TPP2: variants seen among roughly 807,000 people sequenced by gnomAD.
The protein encoded by TPP2 is tripeptidyl peptidase 2, also known as tripeptidyl-peptidase 2.
A neutral mutation model predicts 155.9 loss-of-function variants in TPP2; 34 were observed. That is an observed-to-expected ratio of 0.22 (90% CI 0.17 to 0.29). The LOEUF (loss-of-function observed/expected upper bound fraction) is 0.29. TPP2 is among the 10% of genes least tolerant of loss of function. The pLI, the probability that TPP2 is intolerant of heterozygous loss-of-function variation, is 1.00. For synonymous variants in TPP2, 510 were observed against 529.4 expected, an observed-to-expected ratio of 0.96 and a Z score of 0.50; for missense variants, 1,028 against 1,522.3, an observed-to-expected ratio of 0.68 and a Z score of 5.40.
At chr13:102,623,870 A>C (rs967252305) in intron 6 of TPP2, among the ~76,000 whole-genome samples, 1 of 152,108 alleles carries the variant, frequency 6.6e-6, no homozygotes, top group Admixed American at 6.5e-5. Context: ...TGTATAACCT[A>C]CACACATGCT....
At chr13:102,656,839 G>C in intron 24 of TPP2, 1 of 334,562 alleles carries the variant, frequency 3.0e-6, no homozygotes, top group Non-Finnish European at 5.4e-6. Flanking sequence ...TTATTTTAAA[G>C]GAGATATTTG....
chr13:102,677,554 C>G (rs2139629135), intron 29 of TPP2, among the ~76,000 whole-genome samples: 1 of 152,326 alleles, frequency 6.6e-6, no homozygotes, highest in South Asian at 2.1e-4. Flanking sequence ...TTCTGCCACA[C>G]CAGCATCTCT....
At chr13:102,618,255 T>A (rs929051819) in intron 4 of TPP2, among the ~76,000 whole-genome samples, 1 of 152,216 alleles carries the variant, frequency 6.6e-6, no homozygotes, top group African/African-American at 2.4e-5. Context: ...CTAAAAGATA[T>A]AAGATGATTC....
Position 102,659,157 on chromosome 13 carries a change from TA to T in TPP2, c.3143+1952del, listed in dbSNP as rs1236382398. ...AGAAGATGGAGAAGTCCGTGTGCCTTAAGGGCTCTCTCAAAAACAGTGGAGA... is the reference window on the plus strand; with the variant it reads ...AGAAGATGGAGAAGTCCGTGTGCCTTAGGGCTCTCTCAAAAACAGTGGAGA... On this transcript the variant is annotated intron_variant, in intron 25 of 29. Coordinates refer to ENST00000376052, the MANE Select transcript of TPP2 (RefSeq NM_001330588.2). Among the ~76,000 whole-genome samples, 5 of 152,072 alleles carry T rather than the reference TA, an allele frequency of 3.3e-5. No homozygotes were observed. In the East Asian group the frequency reaches 9.6e-4, roughly 29 times the overall value.
intron 1 of TPP2, among the ~76,000 whole-genome samples, chr13:102,600,450 T>G (rs1466821036): frequency 2.6e-5 from 4 of 152,106 alleles, no homozygotes; most frequent in Non-Finnish European, 5.9e-5. Context: ...GCCTGCAGCT[T>G]CAGAGGTGAG....
chr13:102,646,200 T>C (rs1883088638), intron 19 of TPP2, 94 bp from the exon 20 acceptor site: 2 of 942,762 alleles, frequency 2.1e-6, no homozygotes, highest in Non-Finnish European at 3.1e-6. Context: ...TCTGCACTTT[T>C]TGCAATATGT....
chr13:102,627,864 A>G lies in TPP2; in HGVS notation c.956A>G (p.Asn319Ser). The change falls in exon 8 of 30, where the codon AAT becomes AGT. Residue 319 changes from asparagine (N) to serine (S), a missense_variant. Physicochemically the swap from Asn to Ser is conservative, Grantham distance 46. This residue lies in a region of TPP2 where 300 missense variants were observed against 398.3 expected (regional missense o/e 0.75). Transcript: ENST00000376052. ...CTTTAATAGATGATAGAAGTTATAA[A>G]TCATAAGTGTGATCTTGTCAACTAC... ...GLIRAMIEVI[N>S]HKCDLVNYSY... The G allele has an allele frequency of 6.2e-7, 1 of 1,613,098 alleles. No homozygotes were observed. The highest frequency in any genetic ancestry group is 8.5e-7 in the Non-Finnish European group (1 of 1,179,596).
chr13:102,664,275 G>A (rs1463161259), intron 26 of TPP2, among the ~76,000 whole-genome samples: 2 of 152,192 alleles, frequency 1.3e-5, no homozygotes, highest in Non-Finnish European at 1.5e-5. Context: ...TTTAACAAGA[G>A]AGAAGCAAAT....
intron 24 of TPP2, chr13:102,654,917 CAAG>C (rs1445878840): frequency 4.2e-6 from 2 of 473,058 alleles, no homozygotes; most frequent in South Asian, 3.0e-5. Context: ...GAGTGAACCT[CAAG>C]AAGGAGAGGA....
rs779786368 is a variant in TPP2 at position 102,644,998 on chromosome 13, C to G, written c.2382C>G (p.Val794=). 6.2e-7 allele frequency: 1 copy of G among 1,613,652 alleles called. No homozygotes were observed. The highest frequency in any genetic ancestry group is 8.5e-7 in the Non-Finnish European group (1 of 1,179,766). ...LAPCITLKNW[V]QTLRPVSAKT... is the part of the protein sequence containing the mutation. ...CCTGCATAACTTTGAAGAACTGGGTCCAAACACTGCGGTATCATTCAATGT... is the reference window on the plus strand; with the variant it reads ...CCTGCATAACTTTGAAGAACTGGGTGCAAACACTGCGGTATCATTCAATGT... The change falls in exon 19 of 30, where the codon GTC becomes GTG. Residue 794 remains valine (V), a synonymous_variant. Coordinates refer to ENST00000376052, the MANE Select transcript of TPP2 (RefSeq NM_001330588.2).
intron 4 of TPP2, among the ~76,000 whole-genome samples, chr13:102,617,328 G>A (rs1046124279): frequency 2.0e-5 from 3 of 152,176 alleles, no homozygotes; most frequent in East Asian, 1.9e-4. Flanking sequence ...ATGGGAGGGT[G>A]TAGTCCTTGG....
rs1566362912 is a variant in TPP2, at chr13:102,657,115, C to G, written c.3051C>G (p.Ser1017Arg). The change falls in exon 25 of 30, where the codon AGC becomes AGG. Residue 1017 changes from serine (S) to arginine (R), a missense_variant. By Grantham distance (110) the Ser-to-Arg change is moderately radical (BLOSUM62 -1). Coordinates refer to ENST00000376052, the MANE Select transcript of TPP2 (RefSeq NM_001330588.2). ...IPPPTKTKNG[S>R]KDKEKDSEKE... ...CACCAACAAAGACTAAGAATGGCAG[C>G]AAAGATAAGGAAAAAGATTCAGAAA... 33 of 1,584,376 alleles carry G rather than the reference C, an allele frequency of 2.1e-5. No individual in the cohort carries two copies. The highest frequency in any genetic ancestry group is 2.7e-5 in the Non-Finnish European group (32 of 1,169,226).
chr13:102,647,586 C>T (rs1358580104), intron 21 of TPP2, among the ~76,000 whole-genome samples: 1 of 152,194 alleles, frequency 6.6e-6, no homozygotes, highest in Non-Finnish European at 1.5e-5. Context: ...CTTGCCCACA[C>T]TGGCCAGCAT....
chr13:102,660,476 A>G (rs565833028), intron 25 of TPP2, among the ~76,000 whole-genome samples: 4 of 152,206 alleles, frequency 2.6e-5, no homozygotes, highest in Admixed American at 1.3e-4. Context: ...CTACAAAACA[A>G]TTGTTGAAAG....
rs114691474 is a variant in TPP2 at position 102,654,892 on chromosome 13, C to T, written c.2992-2164C>T. 1,019 of 459,236 alleles carry T rather than the reference C, an allele frequency of 2.2e-3. 9 individuals are homozygous for T. The highest frequency in any genetic ancestry group is 0.018 in the African/African-American group (896 of 50,352). 28.4% of individuals were successfully genotyped at this position (459,236 alleles called of 1,614,324 possible). Reference sequence around the variant, plus strand: ...GCGCTTACCTTGGCTTTGCTCAGGGCAGTGCCTACCCAGAGAGTGAACCTC... The same window carrying T: ...GCGCTTACCTTGGCTTTGCTCAGGGTAGTGCCTACCCAGAGAGTGAACCTC... On this transcript the variant is annotated intron_variant, in intron 24 of 29. Coordinates refer to ENST00000376052, the MANE Select transcript of TPP2 (RefSeq NM_001330588.2).
At chr13:102,663,268 C>G (rs1269880321) in intron 25 of TPP2, among the ~76,000 whole-genome samples, 1 of 152,208 alleles carries the variant, frequency 6.6e-6, no homozygotes, top group African/African-American at 2.4e-5. Context: ...CTGCCTCAGC[C>G]TCCCGAGTAT....
chr13:102,666,665 T>C (rs1232283154), intron 27 of TPP2, among the ~76,000 whole-genome samples: 1 of 151,928 alleles, frequency 6.6e-6, no homozygotes, highest in Non-Finnish European at 1.5e-5. Flanking sequence ...TTCTCAGTTT[T>C]ACCATCCACA....
chr13:102,669,250 T>G (rs1884811711), intron 27 of TPP2, among the ~76,000 whole-genome samples: 1 of 152,080 alleles, frequency 6.6e-6, no homozygotes. Flanking sequence ...CATATTCACT[T>G]TTTTGTTGTT....
At chr13:102,639,507 A>G (rs146219991) in intron 15 of TPP2, among the ~76,000 whole-genome samples, 160 of 152,238 alleles carry the variant, frequency 1.1e-3, no homozygotes, top group African/African-American at 3.7e-3. Context: ...CTGCCACGCC[A>G]TCTCCTTCAG....
Sources: gnomAD v4.1 joint callset for allele counts (sites outside exome capture counted in the v4.1 genomes callset) on GRCh38, gnomAD v4.1.1 for gene constraint, gnomAD v4.1.1 regional missense constraint, MANE v1.5 for transcripts, NCBI Gene and HGNC (gene_info 2026-07-23, HGNC 2026-07-21) for gene names.